The following TUNAR variants were observed in gnomAD, a reference collection of about 807,000 sequenced individuals.
TUNAR encodes the protein transmembrane neural differentiation associated intracellular calcium regulator, also known as protein TUNAR.
At chr14:95,907,084 A>G (rs1369079924) in intron 2 of TUNAR, among the ~76,000 whole-genome samples, 1 of 152,158 alleles carries the variant, frequency 6.6e-6, no homozygotes, top group Non-Finnish European at 1.5e-5. Context: ...TTTCTAAGTT[A>G]ACATTGGGTC....
intron 2 of TUNAR, among the ~76,000 whole-genome samples, chr14:95,893,038 C>T (rs547325100): frequency 9.9e-5 from 15 of 152,192 alleles, no homozygotes; most frequent in South Asian, 2.1e-4. Flanking sequence ...TTTCTGAAGA[C>T]GCGTCAAGTT....
At chr14:95,889,703 C>T (rs549010418) in intron 2 of TUNAR, among the ~76,000 whole-genome samples, 4 of 152,242 alleles carry the variant, frequency 2.6e-5, no homozygotes, top group Admixed American at 1.3e-4. Context: ...TGTAAGCCCA[C>T]GGAGCCGTCA....
chr14:95,925,486 G>T (rs1332428019), exon 3 of TUNAR: 2 of 152,178 alleles, frequency 1.3e-5, no homozygotes, highest in African/African-American at 2.4e-5. Flanking sequence ...GAGCTACTCA[G>T]TAGGCTCTGT....
chr14:95,901,125 G>C (rs948374449), intron 2 of TUNAR, among the ~76,000 whole-genome samples: 5 of 152,206 alleles, frequency 3.3e-5, no homozygotes, highest in African/African-American at 1.2e-4. Context: ...GCTTCAGAAG[G>C]TGTGTGTTTA....
At chr14:95,892,030 T>G (rs1889187361) in intron 2 of TUNAR, among the ~76,000 whole-genome samples, 1 of 152,256 alleles carries the variant, frequency 6.6e-6, no homozygotes, top group South Asian at 2.1e-4. Context: ...TCACCCTGAC[T>G]CATGTGACCA....
chr14:95,892,376 G>C (rs1426335392), intron 2 of TUNAR, among the ~76,000 whole-genome samples: 2 of 152,270 alleles, frequency 1.3e-5, no homozygotes, highest in Non-Finnish European at 2.9e-5. Context: ...CTGAGATGCT[G>C]CAAGTGCGTG....
intron 2 of TUNAR, among the ~76,000 whole-genome samples, chr14:95,912,103 A>G (rs1380779315): frequency 6.6e-6 from 1 of 152,250 alleles, no homozygotes; most frequent in Non-Finnish European, 1.5e-5. Flanking sequence ...AAGCACTCGT[A>G]GTCTTCGTAG....
intron 2 of TUNAR, among the ~76,000 whole-genome samples, chr14:95,882,409 T>C (rs1291721345): frequency 6.6e-6 from 1 of 152,218 alleles, no homozygotes; most frequent in Non-Finnish European, 1.5e-5. Flanking sequence ...GTAGAAATGA[T>C]TTCACACCCG....
rs187300060 is a variant in TUNAR at position 95,882,108 on chromosome 14, T to C, written c.12+4931T>C. Reference sequence around the variant, plus strand: ...TTGACTATGCTTCATCTACAATCTTTAAAATACCACATCTCAGCAGTCAGC... The same window carrying C: ...TTGACTATGCTTCATCTACAATCTTCAAAATACCACATCTCAGCAGTCAGC... On this transcript the variant is annotated intron_variant, in intron 2 of 2. Coordinates refer to ENST00000678517, the Ensembl canonical transcript of TUNAR. 7.9e-5 allele frequency among the ~76,000 whole-genome samples: 12 copies of C among 152,336 alleles called. 1 individual carries two copies. The highest frequency in any genetic ancestry group is 5.9e-4 in the Admixed American group (9 of 15,308).
At chr14:95,892,195 G>A (rs1025918673) in intron 2 of TUNAR, among the ~76,000 whole-genome samples, 2 of 152,246 alleles carry the variant, frequency 1.3e-5, no homozygotes, top group Non-Finnish European at 1.5e-5. Context: ...CTCATACCCA[G>A]AAGGTTCTGT....
At chr14:95,901,743 G>A (rs567467547) in intron 2 of TUNAR, among the ~76,000 whole-genome samples, 4 of 152,216 alleles carry the variant, frequency 2.6e-5, no homozygotes, top group Non-Finnish European at 4.4e-5. Flanking sequence ...CTTCAAAGTA[G>A]GGAGGAGAAA....
At chr14:95,893,616 T>C (rs1889213764) in intron 2 of TUNAR, among the ~76,000 whole-genome samples, 2 of 149,516 alleles carry the variant, frequency 1.3e-5, no homozygotes, top group Non-Finnish European at 3.0e-5. Context: ...GCCAGGGGCA[T>C]AGCAGGTGCT....
chr14:95,901,449 A>G (rs1413365847), intron 2 of TUNAR, among the ~76,000 whole-genome samples: 38 of 152,328 alleles, frequency 2.5e-4, no homozygotes, highest in Non-Finnish European at 7.4e-5. Flanking sequence ...CAGGCCCCAT[A>G]TAGATGCCAG....
At chr14:95,890,447 G>C (rs1399453954) in intron 2 of TUNAR, among the ~76,000 whole-genome samples, 3 of 152,214 alleles carry the variant, frequency 2.0e-5, no homozygotes, top group Non-Finnish European at 4.4e-5. Context: ...TCCCAGGAGA[G>C]AAGTAGAGTG....
intron 2 of TUNAR, among the ~76,000 whole-genome samples, chr14:95,883,594 G>T (rs1453524218): frequency 1.3e-5 from 2 of 152,200 alleles, no homozygotes. Context: ...CTTTTTAAGG[G>T]GTCTGTTCAG....
At chr14:95,883,495 G>A (rs968013639) in intron 2 of TUNAR, among the ~76,000 whole-genome samples, 1 of 152,266 alleles carries the variant, frequency 6.6e-6, no homozygotes, top group African/African-American at 2.4e-5. Context: ...GGCACTGCTA[G>A]GCATTGAGGC....
At chr14:95,912,233 T>G (rs1889525727) in intron 2 of TUNAR, among the ~76,000 whole-genome samples, 1 of 152,260 alleles carries the variant, frequency 6.6e-6, no homozygotes. Flanking sequence ...CAAGTAAGGT[T>G]TTAAAAATCT....
At chr14:95,919,484 G>A (rs1889657096) in intron 2 of TUNAR, among the ~76,000 whole-genome samples, 1 of 152,208 alleles carries the variant, frequency 6.6e-6, no homozygotes, top group Non-Finnish European at 1.5e-5. Context: ...TGAGGCAGGA[G>A]GATTGCTTGA....
At chr14:95,912,172 A>G (rs997480678) in intron 2 of TUNAR, among the ~76,000 whole-genome samples, 1 of 152,224 alleles carries the variant, frequency 6.6e-6, no homozygotes, top group Non-Finnish European at 1.5e-5. Flanking sequence ...AACATAATCA[A>G]CTATGTTATA....
Sources: gnomAD v4.1 joint callset for allele counts (sites outside exome capture counted in the v4.1 genomes callset) on GRCh38, gnomAD v4.1.1 for gene constraint, MANE v1.5 for transcripts, NCBI Gene and HGNC (gene_info 2026-07-23, HGNC 2026-07-21) for gene names.